LMO1: variants seen among roughly 807,000 people sequenced by gnomAD.
The protein encoded by LMO1 is rhombotin-1.
Under a neutral mutation model 18.0 loss-of-function variants are expected in LMO1, and 10 were observed. That is an observed-to-expected ratio of 0.55 (90% CI 0.34 to 0.94). The LOEUF (loss-of-function observed/expected upper bound fraction) is 0.94. LMO1 is among the 40% of genes least tolerant of loss of function. The pLI is 0.02. For missense variants in LMO1, 183 were observed against 205.7 expected (o/e 0.89, Z 0.68); for synonymous variants, 77 against 77.9 (o/e 0.99, Z 0.06).
At chr11:8,266,471 C>A (rs950417395), upstream of LMO1, among the ~76,000 whole-genome samples, 2 of 152,152 alleles carry the variant, frequency 1.3e-5, no homozygotes, top group African/African-American at 2.4e-5. Context: ...GGTAGTTTTC[C>A]CCCAACACAT....
At chr11:8,240,933 A>G (rs559740698) in intron 1 of LMO1, among the ~76,000 whole-genome samples, 2 of 152,270 alleles carry the variant, frequency 1.3e-5, no homozygotes, top group African/African-American at 2.4e-5. Flanking sequence ...AGTGGGGGGA[A>G]TTTAGAAACA....
chr11:8,251,377 G>A (rs1013544368), intron 1 of LMO1, among the ~76,000 whole-genome samples: 1 of 152,190 alleles, frequency 6.6e-6, no homozygotes, highest in Non-Finnish European at 1.5e-5. Context: ...GCTCCCACGT[G>A]AGGAACTGCC....
chr11:8,228,279 C>T (rs1046473402), intron 2 of LMO1, among the ~76,000 whole-genome samples: 5 of 152,254 alleles, frequency 3.3e-5, no homozygotes, highest in African/African-American at 1.2e-4. Context: ...TGAGCCATCC[C>T]GGCTCCTCCT....
chr11:8,260,896 G>C (rs914856700), intron 1 of LMO1, among the ~76,000 whole-genome samples: 1 of 152,112 alleles, frequency 6.6e-6, no homozygotes, highest in Non-Finnish European at 1.5e-5. Context: ...GGGGGTGGGG[G>C]AATGCTGCCA....
chr11:8,255,817 AC>A (rs1847085225), intron 1 of LMO1, among the ~76,000 whole-genome samples: 1 of 75,000 alleles, frequency 1.3e-5, no homozygotes, highest in African/African-American at 4.3e-5. Context: ...ACAATGCCGC[AC>A]TTTTTTTTTT....
At chr11:8,245,748 A>G (rs1346406591) in intron 1 of LMO1, among the ~76,000 whole-genome samples, 4 of 152,240 alleles carry the variant, frequency 2.6e-5, no homozygotes, top group Non-Finnish European at 4.4e-5. Context: ...CAGAGTTTTC[A>G]TATGACTCAG....
chr11:8,251,391 A>C (rs1390460335), intron 1 of LMO1, among the ~76,000 whole-genome samples: 3 of 152,170 alleles, frequency 2.0e-5, no homozygotes, highest in Non-Finnish European at 4.4e-5. Context: ...AACTGCCGAC[A>C]CTACCTTTAC....
At chr11:8,264,454 G>A, upstream of LMO1, among the ~76,000 whole-genome samples, 1 of 152,164 alleles carries the variant, frequency 6.6e-6, no homozygotes, top group Non-Finnish European at 1.5e-5. Context: ...GATTCCTGCT[G>A]CTATTATGGA....
chr11:8,266,192 A>G (rs1025984944), upstream of LMO1, among the ~76,000 whole-genome samples: 3 of 152,126 alleles, frequency 2.0e-5, no homozygotes, highest in Admixed American at 2.0e-4. Context: ...GTGCTCCCAA[A>G]CTGATCTGGA....
At chr11:8,229,766 T>C (rs1952618997) in intron 2 of LMO1, among the ~76,000 whole-genome samples, 1 of 152,212 alleles carries the variant, frequency 6.6e-6, no homozygotes, top group South Asian at 2.1e-4. Flanking sequence ...AGCTCCAGCA[T>C]CAGTGGCCCT....
At chr11:8,247,163 G>A (rs955935492) in intron 1 of LMO1, among the ~76,000 whole-genome samples, 7 of 152,222 alleles carry the variant, frequency 4.6e-5, no homozygotes, top group African/African-American at 1.7e-4. Flanking sequence ...CATGGCAGGG[G>A]GGTCCCTCTT....
In LMO1 at chr11:8,246,385, T is replaced by C. The variant is rs771114338; in HGVS notation, c.26-15881A>G. Among the ~76,000 whole-genome samples, 28 of 152,200 alleles carry C rather than the reference T, an allele frequency of 1.8e-4. 1 individual carries two copies. The highest frequency in any genetic ancestry group is 1.5e-4 in the Non-Finnish European group (10 of 68,034). On this transcript the variant is annotated intron_variant, in intron 1 of 3. Transcript: ENST00000335790. ...CAAAAAGAAATGAAGTACTGACATA[T>C]GCTACATCATGAAGGAACCTTGCAA...
upstream of LMO1, among the ~76,000 whole-genome samples, chr11:8,267,146 C>T (rs748301953): frequency 6.6e-6 from 1 of 152,184 alleles, no homozygotes; most frequent in Non-Finnish European, 1.5e-5. Context: ...ATTGTTAGGC[C>T]TTGTGGAGGC....
At chr11:8,232,691 C>T (rs554163285) in intron 1 of LMO1, among the ~76,000 whole-genome samples, 69 of 152,302 alleles carry the variant, frequency 4.5e-4, no homozygotes, top group African/African-American at 1.4e-3. Context: ...TGGCTCCCTT[C>T]CCAGTGGTCC....
chr11:8,254,447 T>G (rs59628546), intron 1 of LMO1, among the ~76,000 whole-genome samples: 7,696 of 152,290 alleles, frequency 0.051, 628 homozygotes, highest in African/African-American at 0.17. Flanking sequence ...ATTTTGAGGC[T>G]AGGGGCCAAC....
intron 1 of LMO1, among the ~76,000 whole-genome samples, chr11:8,238,244 C>T (rs1261664914): frequency 6.6e-6 from 1 of 152,170 alleles, no homozygotes; most frequent in African/African-American, 2.4e-5. Flanking sequence ...GAATGAATTA[C>T]TAATATATAC....
intron 1 of LMO1, among the ~76,000 whole-genome samples, chr11:8,243,364 T>C (rs1333475834): frequency 1.3e-5 from 2 of 152,180 alleles, no homozygotes; most frequent in African/African-American, 4.8e-5. Flanking sequence ...TCAGACAGTT[T>C]GGGATCTGTA....
intron 1 of LMO1, among the ~76,000 whole-genome samples, chr11:8,232,333 C>A (rs1220085331): frequency 1.3e-5 from 2 of 152,222 alleles, no homozygotes; most frequent in African/African-American, 4.8e-5. Context: ...AGGGCCCAGC[C>A]TGGCACAGAG....
At position 8,263,417 on chromosome 11, in the gene LMO1, C is replaced by T; in HGVS notation, c.-55G>A. 5 of 1,590,536 alleles carry T rather than the reference C, an allele frequency of 3.1e-6. No individual in the cohort carries two copies. Among genetic ancestry groups the T allele is most frequent in the Non-Finnish European group, 4.3e-6 (5 of 1,173,556 alleles). ...GGCTCGGCCGGGAGAAGGGCGCCGACTCGGGGCGCGCTTTGGAGGGGCGGC... is the reference window on the plus strand; with the variant it reads ...GGCTCGGCCGGGAGAAGGGCGCCGATTCGGGGCGCGCTTTGGAGGGGCGGC... On this transcript the variant is annotated 5_prime_UTR_variant, in exon 1 of 4. Transcript: ENST00000335790.
Sources: gnomAD v4.1 joint callset for allele counts (sites outside exome capture counted in the v4.1 genomes callset) on GRCh38, gnomAD v4.1.1 for gene constraint, MANE v1.5 for transcripts, NCBI Gene and HGNC (gene_info 2026-07-23, HGNC 2026-07-21) for gene names.